DOCK10: variants seen among roughly 807,000 people sequenced by gnomAD.
DOCK10 encodes the protein dedicator of cytokinesis protein 10.
In DOCK10, 145 loss-of-function variants were observed where a neutral mutation model predicts 280.1. That is an observed-to-expected ratio of 0.52 (90% confidence interval 0.45 to 0.59). DOCK10 has a LOEUF of 0.59. Ranked by LOEUF, DOCK10 falls within the 20% of genes least tolerant of loss-of-function variation. The pLI is 0.00. For missense variants in DOCK10, 2,368 were observed against 2,651.7 expected (o/e 0.89, Z 2.35); for synonymous variants, 915 against 942.2 (o/e 0.97, Z 0.53).
intron 13 of DOCK10, 120 bp downstream of exon 13, chr2:224,864,433 C>T (rs1308962746): frequency 6.1e-6 from 6 of 979,416 alleles, no homozygotes; most frequent in East Asian, 2.8e-5. Context: ...TCACTTGAAC[C>T]CAGGAGACAG....
intron 14 of DOCK10, among the ~76,000 whole-genome samples, chr2:224,857,469 T>G (rs748275204): frequency 1.3e-5 from 2 of 152,216 alleles, no homozygotes; most frequent in Non-Finnish European, 2.9e-5. Flanking sequence ...AATGTGCCCA[T>G]GTCCTAACTT....
chr2:224,778,917 CATGCAATTCACCTTACTAAGAG>C (rs1209730228), intron 50 of DOCK10, among the ~76,000 whole-genome samples: 2 of 152,154 alleles, frequency 1.3e-5, no homozygotes, highest in Non-Finnish European at 2.9e-5. Flanking sequence ...GTAACTTAAT[CATGCAATTCACCTTACTAAGAG>C]ATCTTTTACA....
At chr2:224,781,220 T>G (rs3768875) in intron 50 of DOCK10, among the ~76,000 whole-genome samples, 89,312 of 152,112 alleles carry the variant, frequency 0.59, 28,985 homozygotes, top group African/African-American at 0.86. Flanking sequence ...CCTGGGCAAC[T>G]GAGTTTTTCT....
intron 11 of DOCK10, among the ~76,000 whole-genome samples, chr2:224,871,205 T>C (rs1481397327): frequency 6.6e-6 from 1 of 152,178 alleles, no homozygotes; most frequent in South Asian, 2.1e-4. Context: ...AACATGTTCA[T>C]AATGGTATTT....
chr2:224,941,325 T>TCC (rs1703054810), intron 1 of DOCK10, among the ~76,000 whole-genome samples: 4 of 151,488 alleles, frequency 2.6e-5, no homozygotes, highest in Admixed American at 6.6e-5. Context: ...CACTCCACTC[T>TCC]ACCAGCAAAG....
rs181437482 is a variant in DOCK10, at chr2:224,816,057, C to G, written c.3364+560G>C. Among the ~76,000 whole-genome samples the G allele has an allele frequency of 1.2e-4, 18 of 151,640 alleles. No homozygotes were observed. In the East Asian group the frequency reaches 3.5e-3, roughly 29 times the overall value. The stretch of plus-strand genomic sequence containing the variant: ...TCAAAAACAAAACAACCCCCTCCCC[C>G]GCAAGAAAAAAACTGTACCTCATAA... On this transcript the variant is annotated intron_variant, in intron 30 of 55. Transcript: ENST00000258390.
intron 1 of DOCK10, among the ~76,000 whole-genome samples, chr2:224,961,061 G>C (rs1022556276): frequency 1.3e-5 from 2 of 152,160 alleles, no homozygotes; most frequent in Admixed American, 6.5e-5. Flanking sequence ...TCTAATGATT[G>C]TATATTTTCT....
chr2:224,922,833 A>G (rs1701842818), intron 2 of DOCK10, among the ~76,000 whole-genome samples: 1 of 152,218 alleles, frequency 6.6e-6, no homozygotes, highest in South Asian at 2.1e-4. Flanking sequence ...CTGTTCAAAA[A>G]GGAGGACAAA....
intron 17 of DOCK10, 110 bp downstream of exon 17, chr2:224,852,825 A>C: frequency 1.0e-6 from 1 of 959,798 alleles, no homozygotes; most frequent in Non-Finnish European, 1.5e-6. Flanking sequence ...ACGGTTTTCT[A>C]TGACAGAGTG....
At chr2:224,815,766 C>T (rs1226885611) in intron 30 of DOCK10, among the ~76,000 whole-genome samples, 5 of 151,938 alleles carry the variant, frequency 3.3e-5, no homozygotes, top group Non-Finnish European at 7.4e-5. Flanking sequence ...CTGGGTGTGG[C>T]GGCTCACACC....
chr2:224,849,342 C>T (rs900754094), intron 19 of DOCK10, among the ~76,000 whole-genome samples, 165 bp downstream of exon 19: 8 of 152,188 alleles, frequency 5.3e-5, no homozygotes, highest in Non-Finnish European at 8.8e-5. Context: ...ACTCCTGGAA[C>T]AACTGCCAAT....
Position 224,931,630 on chromosome 2 carries a change from C to T in DOCK10, c.162G>A (p.Glu54=). ...TCTTTTCAAGTTCTTCAATGACAGT[C>T]TCATAATCCAAAGGCTCGAGAAGCC... ...KPRLLEPLDY[E]TVIEELEKTY... The change falls in exon 2 of 56, where the codon GAG becomes GAA. Residue 54 remains glutamate, a synonymous_variant. Coordinates refer to ENST00000258390, the MANE Select transcript of DOCK10 (RefSeq NM_014689.3). 1 of 1,611,034 alleles carries T rather than the reference C, an allele frequency of 6.2e-7. No homozygotes were observed. Among genetic ancestry groups the T allele is most frequent in the Non-Finnish European group, 8.5e-7 (1 of 1,178,592 alleles).
Position 224,970,779 on chromosome 2 carries a change from A to G in DOCK10, c.124-39111T>C, listed in dbSNP as rs927269705. Reference sequence around the variant, plus strand: ...AAACTAGTTTGGAGCAAGAATCCCTATGACAGAATTGGCTTTCATCTCCAA... The same window carrying G: ...AAACTAGTTTGGAGCAAGAATCCCTGTGACAGAATTGGCTTTCATCTCCAA... On this transcript the variant is annotated intron_variant, in intron 1 of 55. Transcript: ENST00000258390. The surrounding 1 kb of genome is among the most constrained non-coding windows in gnomAD (Gnocchi z 4.6). Among the ~76,000 whole-genome samples the G allele has an allele frequency of 1.3e-5, 2 of 152,236 alleles. No individual in the cohort carries two copies. Among genetic ancestry groups the G allele is most frequent in the African/African-American group, 4.8e-5 (2 of 41,458 alleles).
chr2:224,826,788 T>TATC (rs1223163704), intron 27 of DOCK10, among the ~76,000 whole-genome samples: 3 of 134,248 alleles, frequency 2.2e-5, no homozygotes, highest in Non-Finnish European at 3.2e-5. Flanking sequence ...TCTATCTATC[T>TATC]ATCATCTATC....
chr2:224,826,766 T>G, intron 27 of DOCK10, among the ~76,000 whole-genome samples: 1 of 151,750 alleles, frequency 6.6e-6, no homozygotes, highest in East Asian at 2.0e-4. Context: ...TATCTATCTA[T>G]CTATCTATCT....
intron 41 of DOCK10, 63 bp from the exon 42 acceptor site, chr2:224,798,032 A>C: frequency 3.9e-6 from 6 of 1,523,804 alleles, no homozygotes; most frequent in Non-Finnish European, 5.4e-6. Flanking sequence ...CTATCAAAAA[A>C]TATTTATTGT....
Position 225,042,238 on chromosome 2 carries a change from C to T in DOCK10, c.123+14G>A, listed in dbSNP as rs751759997. On this transcript the variant is annotated intron_variant, in intron 1 of 55. Coordinates refer to ENST00000258390, the MANE Select transcript of DOCK10 (RefSeq NM_014689.3). The surrounding 1 kb of genome is among the most constrained non-coding windows in gnomAD (Gnocchi z 5.1). Reference sequence around the variant, plus strand: ...GGGGCGCGCGGGAAGGCGCGGAGGACGCGCCGCACTCACCCGCTGCTGCTG... The same window carrying T: ...GGGGCGCGCGGGAAGGCGCGGAGGATGCGCCGCACTCACCCGCTGCTGCTG... 223 of 1,256,822 alleles carry T rather than the reference C, an allele frequency of 1.8e-4. 1 individual carries two copies. Among genetic ancestry groups the T allele is most frequent in the African/African-American group, 5.0e-4 (32 of 64,102 alleles). 77.9% of individuals were successfully genotyped at this position (1,256,822 alleles called of 1,614,324 possible).
At chr2:224,899,947 C>G (rs1193554764) in intron 3 of DOCK10, among the ~76,000 whole-genome samples, 1 of 152,262 alleles carries the variant, frequency 6.6e-6, no homozygotes, top group East Asian at 1.9e-4. Flanking sequence ...CTGATGTGAT[C>G]TTGGTCGAGA....
intron 1 of DOCK10, among the ~76,000 whole-genome samples, chr2:224,959,406 C>T (rs985224296): frequency 2.0e-5 from 3 of 150,966 alleles, no homozygotes; most frequent in Admixed American, 6.6e-5. Context: ...AACCTACAAC[C>T]GGACCCCAAA....
Sources: allele counts gnomAD v4.1 joint callset (sites outside exome capture counted in the v4.1 genomes callset), GRCh38; gene constraint gnomAD v4.1.1; non-coding constraint Gnocchi (gnomAD v3.1); transcripts MANE v1.5; gene names NCBI Gene and HGNC (gene_info 2026-07-23, HGNC 2026-07-21).